The following AUTS2 variants were observed in gnomAD, a reference collection of about 807,000 sequenced individuals.
AUTS2 encodes autism susceptibility gene 2 protein.
In AUTS2, 17 loss-of-function variants were observed where a neutral mutation model predicts 112.4. The observed-to-expected ratio is 0.15, with a 90% CI of 0.10 to 0.23. The LOEUF (loss-of-function observed/expected upper bound fraction) is 0.23. AUTS2 is among the 10% of genes least tolerant of loss of function. The probability of loss-of-function intolerance (pLI) is 1.00; values close to 1 mark genes in which losing one functional copy is unlikely to be tolerated. For missense variants in AUTS2, 1,510 were observed against 1,701.6 expected (o/e 0.89, Z 1.98); for synonymous variants, 751 against 702.7 (o/e 1.07, Z -1.09).
intron 4 of AUTS2, among the ~76,000 whole-genome samples, chr7:70,155,307 C>T (rs1807685068): frequency 6.6e-6 from 1 of 152,082 alleles, no homozygotes; most frequent in Non-Finnish European, 1.5e-5. Flanking sequence ...CAGTGCAAGG[C>T]TCCTAGGAAG....
chr7:70,701,712 T>C (rs1809472211), intron 6 of AUTS2, among the ~76,000 whole-genome samples: 2 of 152,204 alleles, frequency 1.3e-5, no homozygotes, highest in Non-Finnish European at 2.9e-5. Context: ...GGTGTGGCAT[T>C]GAGCAGGGCT....
intron 1 of AUTS2, among the ~76,000 whole-genome samples, chr7:69,857,641 G>A (rs891663455): frequency 1.3e-5 from 2 of 152,140 alleles, no homozygotes; most frequent in Admixed American, 6.6e-5. Flanking sequence ...CAGCCTCTAA[G>A]TGTACGTTGT....
intron 1 of AUTS2, among the ~76,000 whole-genome samples, chr7:69,700,499 G>A: frequency 6.6e-6 from 1 of 151,906 alleles, no homozygotes; most frequent in East Asian, 1.9e-4. Flanking sequence ...TCATAGGTTT[G>A]TCAGCCCAAA....
chr7:69,663,878 T>G (rs1795917263), intron 1 of AUTS2, among the ~76,000 whole-genome samples: 1 of 152,246 alleles, frequency 6.6e-6, no homozygotes, highest in African/African-American at 2.4e-5. Flanking sequence ...GCATGATCTG[T>G]GCTTATTTTG....
chr7:69,861,850 C>G (rs1792999504), intron 1 of AUTS2, among the ~76,000 whole-genome samples: 2 of 152,130 alleles, frequency 1.3e-5, no homozygotes, highest in South Asian at 4.2e-4. Context: ...GGCCTTTTTC[C>G]CGTCTCAGAA....
chr7:69,949,137 T>C (rs1487930161), intron 2 of AUTS2, among the ~76,000 whole-genome samples: 1 of 152,164 alleles, frequency 6.6e-6, no homozygotes, highest in Non-Finnish European at 1.5e-5. Context: ...TCACCTAGCC[T>C]TATTGTAATT....
At chr7:69,993,640 A>G (rs953233915) in intron 2 of AUTS2, among the ~76,000 whole-genome samples, 1 of 152,028 alleles carries the variant, frequency 6.6e-6, no homozygotes, top group Non-Finnish European at 1.5e-5. Context: ...AGGCTGAGGT[A>G]GGAGGATCGC....
At chr7:70,299,842 A>AT (rs983771956) in intron 4 of AUTS2, among the ~76,000 whole-genome samples, 12 of 151,582 alleles carry the variant, frequency 7.9e-5, no homozygotes, top group Admixed American at 3.3e-4. Context: ...AAAAAAAAAA[A>AT]ATCTTTCTGT....
intron 2 of AUTS2, among the ~76,000 whole-genome samples, chr7:69,909,456 CAAT>C (rs1214504091): frequency 1.3e-5 from 2 of 152,038 alleles, no homozygotes; most frequent in East Asian, 1.9e-4. Flanking sequence ...CATCTGTAGA[CAAT>C]GATGATGAGC....
chr7:70,369,010 A>G (rs1219890575), intron 4 of AUTS2, among the ~76,000 whole-genome samples: 1 of 152,236 alleles, frequency 6.6e-6, no homozygotes, highest in Non-Finnish European at 1.5e-5. Context: ...TGAAATGGTA[A>G]TATAGCTGTG....
intron 1 of AUTS2, among the ~76,000 whole-genome samples, chr7:69,708,109 A>G (rs77396706): frequency 2.8e-4 from 43 of 152,280 alleles, no homozygotes; most frequent in African/African-American, 1.0e-3. Flanking sequence ...GAGTCTCTTC[A>G]TGAAAGCTCA....
intron 2 of AUTS2, among the ~76,000 whole-genome samples, chr7:69,959,447 A>T (rs1377737609): frequency 6.6e-6 from 1 of 152,122 alleles, no homozygotes; most frequent in Non-Finnish European, 1.5e-5. Context: ...GGACAATTTC[A>T]ATATCTATGT....
chr7:70,205,982 G>A (rs1409531427), intron 4 of AUTS2, among the ~76,000 whole-genome samples: 1 of 152,192 alleles, frequency 6.6e-6, no homozygotes, highest in Non-Finnish European at 1.5e-5. Flanking sequence ...GCTAGAGTCA[G>A]AATTATAGAG....
chr7:70,781,252 TTG>T (rs1475296855), intron 14 of AUTS2, among the ~76,000 whole-genome samples: 1 of 151,442 alleles, frequency 6.6e-6, no homozygotes, highest in Non-Finnish European at 1.5e-5. Flanking sequence ...TCCCAGCTAC[TTG>T]GGAGGCTGAG....
rs150223692 is a variant in AUTS2 at position 70,337,540 on chromosome 7, A to G, written c.661-98212A>G. Among the ~76,000 whole-genome samples the G allele has an allele frequency of 1.3e-3, 204 of 152,328 alleles. 1 individual carries two copies. Among genetic ancestry groups the G allele is most frequent in the African/African-American group, 4.6e-3 (192 of 41,584 alleles). Reference sequence around the variant, plus strand: ...TAATAATAAACTGCCCTCCCCCTGTAGAGTGTCTTCTGCATCTGTGCTATA... The same window carrying G: ...TAATAATAAACTGCCCTCCCCCTGTGGAGTGTCTTCTGCATCTGTGCTATA... On this transcript the variant is annotated intron_variant, in intron 4 of 18. Transcript: ENST00000342771.
At chr7:70,754,892 G>A (rs1173791746) in intron 6 of AUTS2, among the ~76,000 whole-genome samples, 1 of 152,240 alleles carries the variant, frequency 6.6e-6, no homozygotes, top group Non-Finnish European at 1.5e-5. Flanking sequence ...CAGGTTTGCT[G>A]CGGTAATGAC....
At chr7:70,064,491 T>C (rs1802399091) in intron 2 of AUTS2, among the ~76,000 whole-genome samples, 1 of 152,222 alleles carries the variant, frequency 6.6e-6, no homozygotes, top group Non-Finnish European at 1.5e-5. Context: ...GTTTACTACA[T>C]ACCACTTCCA....
chr7:70,718,468 GC>G (rs1458929167), intron 6 of AUTS2, among the ~76,000 whole-genome samples: 5 of 152,178 alleles, frequency 3.3e-5, no homozygotes, highest in African/African-American at 1.2e-4. Context: ...TTGGAGACTA[GC>G]CTGGCCAACA....
At chr7:70,145,352 T>C (rs1241742544) in intron 4 of AUTS2, among the ~76,000 whole-genome samples, 1 of 152,054 alleles carries the variant, frequency 6.6e-6, no homozygotes, top group African/African-American at 2.4e-5. Flanking sequence ...CATGGAGAAG[T>C]GTGGAAACCA....
Sources: allele counts gnomAD v4.1 joint callset (sites outside exome capture counted in the v4.1 genomes callset), GRCh38; gene constraint gnomAD v4.1.1; transcripts MANE v1.5; gene names NCBI Gene and HGNC (gene_info 2026-07-23, HGNC 2026-07-21).